The following EFR3A variants were observed in gnomAD, a reference collection of about 807,000 sequenced individuals.
The protein encoded by EFR3A is EFR3 homolog A.
A neutral mutation model predicts 104.4 loss-of-function variants in EFR3A; 76 were observed. The observed-to-expected ratio is 0.73, with a 90% CI of 0.60 to 0.88. The LOEUF is 0.88. Ranked by LOEUF, EFR3A falls within the 40% of genes least tolerant of loss-of-function variation. EFR3A has a pLI of 0.00. For missense variants in EFR3A, 985 were observed against 1,012.5 expected, an observed-to-expected ratio of 0.97 and a Z score of 0.37; for synonymous variants, 330 against 330.0, an observed-to-expected ratio of 1.00 and a Z score of 0.00.
At chr8:131,963,744 C>T (rs923923713) in intron 8 of EFR3A, among the ~76,000 whole-genome samples, 6 of 152,116 alleles carry the variant, frequency 3.9e-5, no homozygotes, top group Non-Finnish European at 8.8e-5. Context: ...ATCCTGATAC[C>T]AAAGCCTGGC....
At chr8:131,967,798 G>A (rs1329011110) in intron 8 of EFR3A, among the ~76,000 whole-genome samples, 1 of 151,824 alleles carries the variant, frequency 6.6e-6, no homozygotes, top group Non-Finnish European at 1.5e-5. Flanking sequence ...GATTAGATGA[G>A]TGTTTTGACT....
chr8:131,973,384 A>C (rs192568671), intron 10 of EFR3A, among the ~76,000 whole-genome samples: 45 of 152,164 alleles, frequency 3.0e-4, no homozygotes, highest in Admixed American at 2.2e-3. Flanking sequence ...TGCTTTAATG[A>C]CTTCTAATTA....
At chr8:131,939,377 G>C (rs1163954489) in intron 1 of EFR3A, among the ~76,000 whole-genome samples, 1 of 152,048 alleles carries the variant, frequency 6.6e-6, no homozygotes, top group Non-Finnish European at 1.5e-5. Flanking sequence ...TTGCTTATCT[G>C]TCTCTCCTGG....
intron 14 of EFR3A, among the ~76,000 whole-genome samples, chr8:131,982,154 T>C (rs891171883): frequency 2.6e-5 from 4 of 152,150 alleles, no homozygotes; most frequent in South Asian, 2.1e-4. Context: ...CTGACTTTGA[T>C]GGAAATTGAC....
At chr8:131,945,162 C>G (rs1818373150) in intron 3 of EFR3A, among the ~76,000 whole-genome samples, 1 of 151,830 alleles carries the variant, frequency 6.6e-6, no homozygotes, top group Non-Finnish European at 1.5e-5. Flanking sequence ...GAAATTGACT[C>G]ACTTAGTCTA....
intron 22 of EFR3A, among the ~76,000 whole-genome samples, chr8:132,005,553 C>T (rs1016715676): frequency 6.6e-6 from 1 of 151,902 alleles, no homozygotes; most frequent in African/African-American, 2.4e-5. Flanking sequence ...ACCCCCCACC[C>T]AGGCCCCACA....
chr8:131,950,870 A>G lies in EFR3A; in HGVS notation c.488+780A>G, dbSNP rs114339730. Among the ~76,000 whole-genome samples the G allele has an allele frequency of 4.8e-3, 730 of 152,276 alleles. 8 individuals carry two copies. Among genetic ancestry groups the G allele is most frequent in the African/African-American group, 0.017 (703 of 41,562 alleles). ...ATATCCTACTAAAAATCTGGAATCA[A>G]ATATTTTATAAACTCAACTATAGGT... On this transcript the variant is annotated intron_variant, in intron 5 of 22. Transcript: ENST00000254624.
intron 8 of EFR3A, among the ~76,000 whole-genome samples, chr8:131,962,753 C>G (rs993471637): frequency 6.6e-6 from 1 of 152,216 alleles, no homozygotes; most frequent in Non-Finnish European, 1.5e-5. Flanking sequence ...CACCCCAGAT[C>G]AACAGAATAT....
chr8:131,946,737 G>A (rs1818461629), intron 4 of EFR3A, 104 bp downstream of exon 4: 1 of 1,127,960 alleles, frequency 8.9e-7, no homozygotes, highest in African/African-American at 1.6e-5. Flanking sequence ...TCCCTGAATA[G>A]GGCATTTGAA....
chr8:131,992,434 T>C (rs1821237966), intron 18 of EFR3A, among the ~76,000 whole-genome samples: 1 of 152,184 alleles, frequency 6.6e-6, no homozygotes, highest in South Asian at 2.1e-4. Flanking sequence ...CAGTAGAACC[T>C]GGATGACTTT....
intron 3 of EFR3A, among the ~76,000 whole-genome samples, chr8:131,945,774 G>A (rs1277550136): frequency 6.6e-6 from 1 of 152,020 alleles, no homozygotes; most frequent in African/African-American, 2.4e-5. Context: ...TATCACTTCT[G>A]TGTGTTGGGA....
chr8:131,950,066 A>C lies in EFR3A; in HGVS notation c.464A>C (p.His155Pro). The C allele has an allele frequency of 1.2e-6, 2 of 1,609,876 alleles. No homozygotes were observed. The highest frequency in any genetic ancestry group is 1.1e-5 in the South Asian group (1 of 90,486). ...SRFSAMCHSCHSDPEIRTEIR... is the reference protein window; with the variant it reads ...SRFSAMCHSCPSDPEIRTEIR... ...TTCAGTGCCATGTGCCATTCCTGTCATAGTGATCCAGAAATACGAACAGAG... is the reference window on the plus strand; with the variant it reads ...TTCAGTGCCATGTGCCATTCCTGTCCTAGTGATCCAGAAATACGAACAGAG... Residue 155 changes from histidine (H) to proline (P), a missense_variant, in exon 5 of 23, where the codon CAT becomes CCT. His to Pro is a moderately conservative substitution (Grantham distance 77, BLOSUM62 -2). Transcript: ENST00000254624.
Position 131,950,791 on chromosome 8 carries a change from A to G in EFR3A, c.488+701A>G, listed in dbSNP as rs1383929381. ...AATGTATATTACTGAATCACTATCC[A>G]TCTGAGGTTGTCATGACAACTGTCT... On this transcript the variant is annotated intron_variant, in intron 5 of 22. Coordinates refer to ENST00000254624, the MANE Select transcript of EFR3A (RefSeq NM_015137.6). 2.0e-5 allele frequency among the ~76,000 whole-genome samples: 3 copies of G among 152,164 alleles called. No homozygotes were observed. In the East Asian group the frequency reaches 5.8e-4, roughly 29 times the overall value.
At chr8:132,010,681 T>C in intron 22 of EFR3A, 109 bp from the exon 23 acceptor site, 1 of 1,325,702 alleles carries the variant, frequency 7.5e-7, no homozygotes, top group East Asian at 2.5e-5. Flanking sequence ...CATTGATCAC[T>C]GCAATTAAGG....
chr8:131,992,056 A>T (rs961060970), intron 18 of EFR3A, among the ~76,000 whole-genome samples: 3 of 151,654 alleles, frequency 2.0e-5, no homozygotes, highest in Non-Finnish European at 4.4e-5. Context: ...CTTCAACATG[A>T]CTCTCTTTCT....
Position 131,953,964 on chromosome 8 carries a change from A to T in EFR3A, c.635A>T (p.Asp212Val). ...AACATGCAAAAGATAGAAGAAGTTG[A>T]CAGGTATTTAAAAAAATATTAGTGT... The part of the protein sequence containing the change: ...LFNMQKIEEV[D>V]SRIGPPSSPS... Residue 212 changes from aspartate to valine, a missense_variant, in exon 6 of 23, where the codon GAC becomes GTC. Physicochemically the swap from Asp to Val is radical, Grantham distance 152. Transcript: ENST00000254624. 3 of 1,533,644 alleles carry T rather than the reference A, an allele frequency of 2.0e-6. No homozygotes were observed. Among genetic ancestry groups the T allele is most frequent in the African/African-American group, 1.4e-5 (1 of 72,308 alleles).
At chr8:131,915,718 G>C (rs1816713367) in intron 1 of EFR3A, among the ~76,000 whole-genome samples, 1 of 152,184 alleles carries the variant, frequency 6.6e-6, no homozygotes, top group Admixed American at 6.5e-5. Context: ...GTGGTCAAAG[G>C]AGAAATGCTG....
At chr8:131,931,569 G>A (rs28571760) in intron 1 of EFR3A, among the ~76,000 whole-genome samples, 59,707 of 151,740 alleles carry the variant, frequency 0.39, 12,214 homozygotes, top group East Asian at 0.61. Context: ...ATATATATTA[G>A]ACTGCTTAAT....
Position 132,010,876 on chromosome 8 carries a change from C to A in EFR3A, c.2447C>A (p.Pro816Gln). ...QSVPVYEMKFPDLCVY is the reference protein window; with the variant it reads ...QSVPVYEMKFQDLCVY ...GTCCCAGTCTATGAGATGAAGTTTC[C>A]AGATCTGTGTGTGTACTGATCGGCG... The change falls in exon 23 of 23, where the codon CCA (proline) becomes CAA (glutamine). Residue 816 changes from proline to glutamine, a missense_variant. By Grantham distance (76) the Pro-to-Gln change is moderately conservative. Coordinates refer to ENST00000254624, the MANE Select transcript of EFR3A (RefSeq NM_015137.6). 2 of 1,612,262 alleles carry A rather than the reference C, an allele frequency of 1.2e-6. No homozygotes were observed. The highest frequency in any genetic ancestry group is 2.2e-5 in the East Asian group (1 of 44,840).
Sources: gnomAD v4.1 joint callset for allele counts (sites outside exome capture counted in the v4.1 genomes callset) on GRCh38, gnomAD v4.1.1 for gene constraint, MANE v1.5 for transcripts, NCBI Gene and HGNC (gene_info 2026-07-23, HGNC 2026-07-21) for gene names.